Variants in PCDHGA4 observed in about 807,000 individuals in gnomAD.
PCDHGA4 encodes protocadherin gamma subfamily A, 4.
PCDHGA4 carries 38 observed loss-of-function variants against 54.6 expected under a neutral mutation model. The ratio of observed to expected loss-of-function variants is 0.70; its 90% CI spans 0.54 to 0.91. The LOEUF (loss-of-function observed/expected upper bound fraction) is 0.91. Among genes scored for constraint, PCDHGA4 ranks in the 40% least tolerant of loss-of-function variants. The pLI is 0.00. For synonymous variants in PCDHGA4, 511 were observed against 512.9 expected, an observed-to-expected ratio of 1.00 and a Z score of 0.05; for missense variants, 1,298 against 1,220.9, an observed-to-expected ratio of 1.06 and a Z score of -0.94.
chr5:141,383,287 G>A (rs753501762), intron 1 of PCDHGA4: 2 of 1,613,798 alleles, frequency 1.2e-6, no homozygotes, highest in South Asian at 2.2e-5. Context: ...TAATGACAAC[G>A]TTCCAAGATT....
intron 1 of PCDHGA4, chr5:141,409,471 A>G (rs2095271616): frequency 1.2e-6 from 2 of 1,613,860 alleles, no homozygotes; most frequent in Non-Finnish European, 1.7e-6. Flanking sequence ...TCACCATCGT[A>G]GCCACTGACA....
chr5:141,355,249 T>G lies in PCDHGA4; in HGVS notation c.142T>G (p.Cys48Gly). ...RPDHTRLLQI[C>G]LLLGVLVEIR... is the part of the protein sequence containing the mutation. ...AGACCACACCCGGCTGCTCCAGATC[T>G]GCCTTCTCCTGGGGGTTCTGGTGGA... is the stretch of plus-strand genomic sequence containing the variant. The change falls in exon 1 of 4, where the codon TGC (cysteine) becomes GGC (glycine). Residue 48 changes from cysteine to glycine, a missense_variant. Physicochemically the swap from Cys to Gly is radical, Grantham distance 159 (BLOSUM62 -3). Coordinates refer to ENST00000571252, the MANE Select transcript of PCDHGA4 (RefSeq NM_018917.4). The G allele has an allele frequency of 6.2e-7, 1 of 1,613,288 alleles. No homozygotes were observed. Among genetic ancestry groups the G allele is most frequent in the Non-Finnish European group, 8.5e-7 (1 of 1,179,810 alleles).
At chr5:141,389,829 C>T in intron 1 of PCDHGA4, 3 of 1,613,980 alleles carry the variant, frequency 1.9e-6, no homozygotes, top group Non-Finnish European at 2.5e-6. Context: ...TGACGGTGGA[C>T]AGCCACCACT....
chr5:141,374,494 A>G (rs1307461844), intron 1 of PCDHGA4: 12 of 1,611,426 alleles, frequency 7.4e-6, no homozygotes, highest in Non-Finnish European at 9.3e-6. Context: ...TAAAGGAAGA[A>G]TTGGAAGTGA....
At position 141,423,255 on chromosome 5, in the gene PCDHGA4, C is replaced by T. The variant is rs368969800; in HGVS notation, c.2514+65634C>T. ...GCATCCCCGAAGTCCTGGCGGACCT[C>T]GGCAGCCTCGAGTCTCTGGCTAACT... On this transcript the variant is annotated intron_variant, in intron 1 of 3. Transcript: ENST00000571252. 2.0e-5 allele frequency: 33 copies of T among 1,613,930 alleles called. No homozygotes were observed. In the East Asian group the frequency reaches 3.8e-4, roughly 19 times the overall value.
chr5:141,465,348 A>G (rs886810999), intron 1 of PCDHGA4, among the ~76,000 whole-genome samples: 2 of 152,158 alleles, frequency 1.3e-5, no homozygotes, highest in African/African-American at 4.8e-5. Flanking sequence ...GTTACTGAAG[A>G]AAAAATGGGT....
At chr5:141,394,840 G>GCA (rs2093111243) in intron 1 of PCDHGA4, 1 of 1,613,834 alleles carries the variant, frequency 6.2e-7, no homozygotes. Flanking sequence ...ACCGAGTTGG[G>GCA]CAGTCTGAAG....
intron 1 of PCDHGA4, chr5:141,419,557 G>T: frequency 2.5e-6 from 4 of 1,611,872 alleles, no homozygotes; most frequent in Middle Eastern, 1.7e-4. Context: ...TGTACCCTGC[G>T]CTGGGTCCCG....
intron 1 of PCDHGA4, among the ~76,000 whole-genome samples, chr5:141,468,857 C>A (rs1386167428): frequency 2.0e-5 from 3 of 151,962 alleles, no homozygotes; most frequent in Non-Finnish European, 4.4e-5. Context: ...CAGAGCGAGA[C>A]TCCATCTCAA....
chr5:141,491,368 A>G lies in PCDHGA4; in HGVS notation c.2515-3439A>G. ...CAGTCTCTTATCCCTAGTCACCTTC[A>G]CCTTTCTGTCAGCGAAGTGCCTTCA... On this transcript the variant is annotated intron_variant, in intron 1 of 3. Transcript: ENST00000571252. This position sits in a 1 kb window ranked among gnomAD's most constrained non-coding sequence, Gnocchi z 6.9. 6.2e-7 allele frequency: 1 copy of G among 1,613,842 alleles called. No homozygotes were observed. The highest frequency in any genetic ancestry group is 8.5e-7 in the Non-Finnish European group (1 of 1,179,940).
At chr5:141,394,175 T>A in intron 1 of PCDHGA4, 1 of 1,613,944 alleles carries the variant, frequency 6.2e-7, no homozygotes, top group South Asian at 1.1e-5. Flanking sequence ...CTTTCCCTCA[T>A]GCCTCCTACT....
chr5:141,394,557 G>A (rs372165481), intron 1 of PCDHGA4: 23 of 1,613,964 alleles, frequency 1.4e-5, no homozygotes, highest in South Asian at 4.4e-5. Context: ...GCCCCGCTCC[G>A]CAGAGCGTGG....
intron 1 of PCDHGA4, among the ~76,000 whole-genome samples, chr5:141,434,021 C>A (rs1023145172): frequency 2.0e-5 from 3 of 152,052 alleles, no homozygotes; most frequent in Admixed American, 2.0e-4. Context: ...TTCTATGATT[C>A]TGGAAGCATG....
At chr5:141,360,394 A>C (rs768829588) in intron 1 of PCDHGA4, 71 of 1,613,814 alleles carry the variant, frequency 4.4e-5, no homozygotes, top group Non-Finnish European at 5.8e-5. Flanking sequence ...CTTACTTGTG[A>C]GTGACAGAAT....
intron 1 of PCDHGA4, chr5:141,374,260 G>T: frequency 1.2e-6 from 2 of 1,613,998 alleles, no homozygotes; most frequent in Non-Finnish European, 1.7e-6. Flanking sequence ...CCCAGGAGTT[G>T]GCGGAGCACG....
At chr5:141,388,558 C>G in intron 1 of PCDHGA4, 1 of 1,613,910 alleles carries the variant, frequency 6.2e-7, no homozygotes, top group Non-Finnish European at 8.5e-7. Context: ...CTAAGCAGCA[C>G]TGCACAGATA....
chr5:141,438,627 T>C (rs55817844), intron 1 of PCDHGA4, among the ~76,000 whole-genome samples: 510 of 47,978 alleles, frequency 0.011, 3 homozygotes, highest in Admixed American at 0.017. Context: ...TATATATATA[T>C]ATATATATAC....
chr5:141,421,597 AT>A (rs2096587022), intron 1 of PCDHGA4: 1 of 1,613,878 alleles, frequency 6.2e-7, no homozygotes, highest in Non-Finnish European at 8.5e-7. Flanking sequence ...GGAGGTGGAA[AT>A]AATAGATATT....
chr5:141,385,141 G>A (rs1183220869), intron 1 of PCDHGA4: 30 of 1,614,084 alleles, frequency 1.9e-5, no homozygotes, highest in African/African-American at 6.7e-5. Context: ...CGGGGTGCAG[G>A]CTTTCCTGCA....
Sources: allele counts gnomAD v4.1 joint callset (sites outside exome capture counted in the v4.1 genomes callset), GRCh38; gene constraint gnomAD v4.1.1; non-coding constraint Gnocchi (gnomAD v3.1); transcripts MANE v1.5; gene names NCBI Gene and HGNC (gene_info 2026-07-23, HGNC 2026-07-21).